LTN1: variants seen among roughly 807,000 people sequenced by gnomAD.
LTN1 encodes listerin E3 ubiquitin protein ligase 1.
Under a neutral mutation model 201.2 loss-of-function variants are expected in LTN1, and 88 were observed. The observed-to-expected ratio is 0.44, with a 90% CI of 0.37 to 0.52. LTN1 has a LOEUF of 0.52. Ranked by LOEUF, LTN1 falls within the 20% of genes least tolerant of loss-of-function variation. The pLI, the probability that LTN1 is intolerant of heterozygous loss-of-function variation, is 0.00. For synonymous variants in LTN1, 645 were observed against 713.5 expected (o/e 0.90, Z 1.53); for missense variants, 1,752 against 2,038.7 (o/e 0.86, Z 2.71).
Position 28,929,293 on chromosome 21 carries a change from G to A in LTN1, c.*1155C>T, listed in dbSNP as rs1271562736. 2 of 152,582 alleles carry A rather than the reference G, an allele frequency of 1.3e-5. No individual in the cohort carries two copies. The highest frequency in any genetic ancestry group is 6.5e-5 in the Admixed American group (1 of 15,280). The allele number at this position is 152,582 out of a possible 1,614,324, so 9.5% of individuals were successfully genotyped here. On this transcript the variant is annotated 3_prime_UTR_variant, in exon 30 of 30. Transcript: ENST00000361371. Reference sequence around the variant, plus strand: ...CTCAAGTAACCTAGATATTAGATATGCTATTTCCATGTAATGGAAGACTGC... The same window carrying A: ...CTCAAGTAACCTAGATATTAGATATACTATTTCCATGTAATGGAAGACTGC...
At chr21:28,943,592 T>C (rs1425279524) in intron 23 of LTN1, 75 bp downstream of exon 23, 13 of 1,168,892 alleles carry the variant, frequency 1.1e-5, no homozygotes, top group Non-Finnish European at 1.5e-5. Flanking sequence ...CTTTAAATAA[T>C]TAAAAGTAAA....
rs77805833 is a variant in LTN1 at position 28,947,664 on chromosome 21, T to C, written c.3345-58A>G. ...TTCTTCCAAACATACAGTTATTTTA[T>C]ATATTTCTTTTATTTAGACTACTGA... On this transcript the variant is annotated intron_variant, in intron 18 of 29. Transcript: ENST00000361371. 71 of 1,092,706 alleles carry C rather than the reference T, an allele frequency of 6.5e-5. No individual in the cohort carries two copies. In the East Asian group the frequency reaches 1.9e-3, roughly 30 times the overall value. The allele number at this position is 1,092,706 out of a possible 1,614,324, so 67.7% of individuals were successfully genotyped here. A position where few individuals can be genotyped will look rare whatever the true frequency, so the allele number is the denominator to read the frequency against.
In LTN1 at chr21:28,986,389, A is replaced by G; in HGVS notation, c.247-152T>C. 1 of 681,956 alleles carries G rather than the reference A, an allele frequency of 1.5e-6. No homozygotes were observed. 42.2% of individuals were successfully genotyped at this position (681,956 alleles called of 1,614,324 possible). A position where few individuals can be genotyped will look rare whatever the true frequency, so the allele number is the denominator to read the frequency against. ...AGACTAGTTTGAAGAGCTCTTTCAC[A>G]GGCTACTACGGTAGAAACTCTTCAG... is the stretch of plus-strand genomic sequence containing the variant. On this transcript the variant is annotated intron_variant, in intron 2 of 29. Coordinates refer to ENST00000361371, the MANE Select transcript of LTN1 (RefSeq NM_015565.3). The surrounding 1 kb of genome is among the most constrained non-coding windows in gnomAD (Gnocchi z 4.1).
chr21:28,988,897 A>G (rs2084722898), intron 1 of LTN1, among the ~76,000 whole-genome samples: 1 of 151,930 alleles, frequency 6.6e-6, no homozygotes, highest in South Asian at 2.1e-4. Flanking sequence ...CCCAGGGGGC[A>G]GAGATTGCAG....
At chr21:28,949,524 C>G (rs1277100334) in intron 18 of LTN1, among the ~76,000 whole-genome samples, 2 of 152,098 alleles carry the variant, frequency 1.3e-5, no homozygotes, top group African/African-American at 4.8e-5. Flanking sequence ...ACCCTCGGCC[C>G]CAGGCAACCA....
At chr21:28,967,296 G>T in intron 9 of LTN1, 117 bp from the exon 10 acceptor site, 1 of 736,102 alleles carries the variant, frequency 1.4e-6, no homozygotes, top group Non-Finnish European at 2.2e-6. Flanking sequence ...TAAGCTAATG[G>T]GTTGATTGAT....
At chr21:28,932,799 T>C (rs62223963) in intron 27 of LTN1, 135 bp from the exon 28 acceptor site, 20,560 of 587,018 alleles carry the variant, frequency 0.035, 458 homozygotes, top group Middle Eastern at 0.088. Flanking sequence ...TTATCTGACA[T>C]GAGATAATTA....
Position 28,971,303 on chromosome 21 carries a change from C to T in LTN1, c.952G>A (p.Glu318Lys). 1 of 1,614,000 alleles carries T rather than the reference C, an allele frequency of 6.2e-7. No homozygotes were observed. The highest frequency in any genetic ancestry group is 8.5e-7 in the Non-Finnish European group (1 of 1,179,934). The change falls in exon 7 of 30, where the codon GAA becomes AAA. Residue 318 changes from glutamate (E) to lysine (K), a missense_variant. Transcript: ENST00000361371. ...GTTGTAAGTGTATAGAGTACAGCTT[C>T]CCAGAGAGCTGGGCAGACAATTGGG... ...SDPIVCPALW[E>K]AVLYTLTTIE... is the part of the protein sequence containing the mutation.
chr21:28,935,160 AAAAG>A lies in LTN1; in HGVS notation c.4820_4823del (p.Ser1607PhefsTer17). On this transcript the variant is annotated frameshift_variant, in exon 27 of 30. Coordinates refer to ENST00000361371, the MANE Select transcript of LTN1 (RefSeq NM_015565.3). LOFTEE classifies it high-confidence loss of function. ...TTGTTTGTACAGAAGATATTTCTTG[AAAAG>A]AAAGAACACTGCTGACATACTTGCT... 6.2e-7 allele frequency: 1 copy of A among 1,613,324 alleles called. No homozygotes were observed. Among genetic ancestry groups the A allele is most frequent in the South Asian group, 1.1e-5 (1 of 91,070 alleles).
intron 16 of LTN1, among the ~76,000 whole-genome samples, 177 bp from the exon 17 acceptor site, chr21:28,953,553 A>T (rs2243491): frequency 0.67 from 101,766 of 152,152 alleles, 34,805 homozygotes; most frequent in African/African-American, 0.82. Context: ...CTGAGAATAT[A>T]TGTCTGATAC....
intron 25 of LTN1, among the ~76,000 whole-genome samples, chr21:28,939,196 T>C (rs2084278591): frequency 6.6e-6 from 1 of 152,208 alleles, no homozygotes; most frequent in African/African-American, 2.4e-5. Context: ...CTAGAGATGA[T>C]TTTAAGTAGT....
At chr21:28,938,678 T>C (rs994492060) in intron 25 of LTN1, among the ~76,000 whole-genome samples, 19 of 152,184 alleles carry the variant, frequency 1.2e-4, no homozygotes, top group Non-Finnish European at 2.1e-4. Flanking sequence ...TAAATGCCCA[T>C]TAATGGATAA....
intron 6 of LTN1, among the ~76,000 whole-genome samples, chr21:28,973,430 A>G (rs946366062): frequency 3.3e-5 from 5 of 151,868 alleles, no homozygotes; most frequent in Admixed American, 6.6e-5. Flanking sequence ...GCAAATGTAA[A>G]CAAAGATTGA....
Position 28,966,356 on chromosome 21 carries a change from T to A in LTN1, c.2121+14A>T. The A allele has an allele frequency of 1.9e-6, 3 of 1,571,360 alleles. No individual in the cohort carries two copies. The highest frequency in any genetic ancestry group is 2.6e-6 in the Non-Finnish European group (3 of 1,159,876). On this transcript the variant is annotated intron_variant, in intron 10 of 29. Coordinates refer to ENST00000361371, the MANE Select transcript of LTN1 (RefSeq NM_015565.3). The stretch of plus-strand genomic sequence containing the variant: ...ATTATTCAAATAGTTTGAAAAGATA[T>A]ACAACAGGAATACCTTGGTTAGATC...
Position 28,934,574 on chromosome 21 carries a change from G to A in LTN1, c.4875+535C>T, listed in dbSNP as rs184368343. Among the ~76,000 whole-genome samples, 120 of 152,202 alleles carry A rather than the reference G, an allele frequency of 7.9e-4. 2 individuals carry two copies. Among genetic ancestry groups the A allele is most frequent in the African/African-American group, 2.6e-3 (109 of 41,542 alleles). On this transcript the variant is annotated intron_variant, in intron 27 of 29. Transcript: ENST00000361371. ...CATTTGCCTTCCGCCATGATTGTAA[G>A]TTTCTGAGTAGCTGGGATTACTGGC...
In LTN1 at chr21:28,932,460, A is replaced by T; in HGVS notation, c.5070+10T>A. ...AGTTTGTAAAGCCAAATGTGTAAAC[A>T]GAAACTTACCTGATGGGTGAGGTAA... is the stretch of plus-strand genomic sequence containing the variant. On this transcript the variant is annotated intron_variant, in intron 28 of 29. Coordinates refer to ENST00000361371, the MANE Select transcript of LTN1 (RefSeq NM_015565.3). 1 of 1,610,300 alleles carries T rather than the reference A, an allele frequency of 6.2e-7. No homozygotes were observed. Among genetic ancestry groups the T allele is most frequent in the Non-Finnish European group, 8.5e-7 (1 of 1,178,638 alleles).
rs2084323281 is a variant in LTN1, at chr21:28,944,613, A to G, written c.3769-17T>C. 6.4e-7 allele frequency: 1 copy of G among 1,565,992 alleles called. No homozygotes were observed. Among genetic ancestry groups the G allele is most frequent in the South Asian group, 1.1e-5 (1 of 89,022 alleles). On this transcript the variant is annotated splice_polypyrimidine_tract_variant and intron_variant, in intron 21 of 29. Coordinates refer to ENST00000361371, the MANE Select transcript of LTN1 (RefSeq NM_015565.3). ...ACTTGTTGTCTGAAAAAACAATAAA[A>G]ATGAAATAGGTAAACAGACTTCTAC...
At chr21:28,962,552 C>T (rs964899003) in intron 11 of LTN1, among the ~76,000 whole-genome samples, 5 of 152,196 alleles carry the variant, frequency 3.3e-5, no homozygotes, top group African/African-American at 4.8e-5. Context: ...CTGACTGCCC[C>T]GCTGACCGAC....
At chr21:28,970,371 T>C (rs150161709) in intron 8 of LTN1, among the ~76,000 whole-genome samples, 181 bp downstream of exon 8, 62 of 152,348 alleles carry the variant, frequency 4.1e-4, no homozygotes, top group African/African-American at 1.3e-3. Flanking sequence ...CTTCCTGCTG[T>C]GTGCTACCAC....
Sources: allele counts gnomAD v4.1 joint callset (sites outside exome capture counted in the v4.1 genomes callset), GRCh38; gene constraint gnomAD v4.1.1; non-coding constraint Gnocchi (gnomAD v3.1); transcripts MANE v1.5; gene names NCBI Gene and HGNC (gene_info 2026-07-23, HGNC 2026-07-21).